Variants in GRHL2 observed in about 807,000 individuals in gnomAD.
GRHL2 encodes grainyhead like transcription factor 2.
Under a neutral mutation model 83.8 loss-of-function variants are expected in GRHL2, and 21 were observed. The observed-to-expected ratio is 0.25, with a 90% CI of 0.18 to 0.36. The LOEUF (loss-of-function observed/expected upper bound fraction) is 0.36. Among genes scored for constraint, GRHL2 ranks in the 10% least tolerant of loss-of-function variants. The pLI is 1.00. For missense variants in GRHL2, 623 were observed against 781.8 expected (o/e 0.80, Z 2.42); for synonymous variants, 280 against 278.9 (o/e 1.00, Z -0.04).
At chr8:101,523,146 A>G (rs1377590722) in intron 1 of GRHL2, among the ~76,000 whole-genome samples, 1 of 151,972 alleles carries the variant, frequency 6.6e-6, no homozygotes, top group Non-Finnish European at 1.5e-5. Context: ...TCCTGGCCTC[A>G]AGTGATCCAC....
chr8:101,672,522 C>A (rs184297940), downstream of GRHL2, among the ~76,000 whole-genome samples: 3 of 151,674 alleles, frequency 2.0e-5, no homozygotes, highest in East Asian at 5.8e-4. Context: ...TAAGAAGAAA[C>A]AAACAAAGCC....
At chr8:101,588,126 T>G (rs1365864061) in intron 7 of GRHL2, among the ~76,000 whole-genome samples, 1 of 152,222 alleles carries the variant, frequency 6.6e-6, no homozygotes, top group Non-Finnish European at 1.5e-5. Context: ...GCTTAATAAA[T>G]GAGAGTCTCG....
intron 12 of GRHL2, among the ~76,000 whole-genome samples, chr8:101,640,492 G>A (rs1813380079): frequency 6.6e-6 from 1 of 152,176 alleles, no homozygotes; most frequent in Non-Finnish European, 1.5e-5. Flanking sequence ...CTCTTATGGA[G>A]AAAGAGGGGC....
chr8:101,554,094 G>T (rs1811443003), intron 3 of GRHL2, among the ~76,000 whole-genome samples: 1 of 152,146 alleles, frequency 6.6e-6, no homozygotes, highest in African/African-American at 2.4e-5. Context: ...AACTGCTTGT[G>T]ACATTACAGT....
chr8:101,645,724 G>C (rs1174456188), intron 13 of GRHL2, among the ~76,000 whole-genome samples: 1 of 152,152 alleles, frequency 6.6e-6, no homozygotes, highest in East Asian at 1.9e-4. Flanking sequence ...GCAGCACTCC[G>C]TGTTCGCTGT....
At chr8:101,570,148 T>TGAGTGTA (rs1435162051) in intron 4 of GRHL2, among the ~76,000 whole-genome samples, 191 bp from the exon 5 acceptor site, 3 of 152,226 alleles carry the variant, frequency 2.0e-5, no homozygotes, top group African/African-American at 7.2e-5. Context: ...TATTTTCTGT[T>TGAGTGTA]GAGTGTAGCT....
downstream of GRHL2, among the ~76,000 whole-genome samples, chr8:101,670,628 A>T (rs1265841855): frequency 6.6e-6 from 1 of 152,212 alleles, no homozygotes; most frequent in African/African-American, 2.4e-5. Flanking sequence ...CCAGCTGTCC[A>T]AGTAGGTCCA....
rs563431962 is a variant in GRHL2, at chr8:101,650,190, G to A, written c.1698+691G>A. On this transcript the variant is annotated intron_variant, in intron 14 of 15. Coordinates refer to ENST00000646743, the MANE Select transcript of GRHL2 (RefSeq NM_024915.4). The stretch of plus-strand genomic sequence containing the variant: ...ACTGCCAGGAACACAGTTCAAAATT[G>A]TTGGTTGGTTTGGAAAACTGCTACA... Among the ~76,000 whole-genome samples the A allele has an allele frequency of 1.0e-3, 155 of 152,286 alleles. 1 individual carries two copies. The South Asian group carries it at 0.016, about 16-fold the overall frequency.
chr8:101,631,630 C>T lies in GRHL2; in HGVS notation c.1258-7C>T, dbSNP rs767071723. On this transcript the variant is annotated splice_polypyrimidine_tract_variant and splice_region_variant and intron_variant, in intron 9 of 15. Transcript: ENST00000646743. ...GGCATTTTCTGTATTTGTTTTTTTC[C>T]TATCAGGGAGCAGAAAGAAAAATCC... is the stretch of plus-strand genomic sequence containing the variant. The T allele has an allele frequency of 3.4e-5, 55 of 1,611,708 alleles. No individual in the cohort carries two copies. Among genetic ancestry groups the T allele is most frequent in the Non-Finnish European group, 4.5e-5 (53 of 1,178,322 alleles).
intron 1 of GRHL2, among the ~76,000 whole-genome samples, chr8:101,493,292 C>T (rs969077246): frequency 3.3e-5 from 5 of 152,218 alleles, no homozygotes; most frequent in African/African-American, 1.2e-4. Flanking sequence ...AAACGGCCAT[C>T]TTCTCGCACC....
At chr8:101,543,520 C>A in intron 2 of GRHL2, 84 bp downstream of exon 2, 2 of 1,303,086 alleles carry the variant, frequency 1.5e-6, no homozygotes, top group Non-Finnish European at 2.2e-6. Context: ...ATTGTTTGTC[C>A]CAGGCCAGGG....
At chr8:101,676,515 C>T in the GRHL2 span, among the ~76,000 whole-genome samples, 1 of 152,136 alleles carries the variant, frequency 6.6e-6, no homozygotes. Flanking sequence ...AATGAGATAC[C>T]ATCTCACACC....
intron 2 of GRHL2, chr8:101,543,852 T>C: frequency 4.5e-6 from 1 of 224,458 alleles, no homozygotes; most frequent in Non-Finnish European, 8.8e-6. Context: ...GAAAAAGCGG[T>C]TTAATTGGAC....
rs553249046 is a variant in GRHL2 at position 101,645,116 on chromosome 8, ATTTTTTTTTTTTTTTTTTTTT to A, written c.1612+908_1612+928del. Among the ~76,000 whole-genome samples, 349 of 117,348 alleles carry A rather than the reference ATTTTTTTTTTTTTTTTTTTTT, an allele frequency of 3.0e-3. 3 individuals carry two copies. Among genetic ancestry groups the A allele is most frequent in the African/African-American group, 7.4e-3 (224 of 30,384 alleles). The allele number at this position is 117,348 out of a possible 152,430, so 77.0% of individuals were successfully genotyped here. On this transcript the variant is annotated intron_variant, in intron 13 of 15. Coordinates refer to ENST00000646743, the MANE Select transcript of GRHL2 (RefSeq NM_024915.4). ...TGCCTCAGTCTGCCAGCAGTACAGA[ATTTTTTTTTTTTTTTTTTTTT>A]TTTTTTTTTTTTTTTTGACAAAGTC...
chr8:101,551,897 G>T (rs1385578043), intron 2 of GRHL2, among the ~76,000 whole-genome samples: 1 of 150,492 alleles, frequency 6.6e-6, no homozygotes, highest in East Asian at 2.0e-4. Context: ...GTGCAGTGGC[G>T]CGATCTCGGC....
intron 12 of GRHL2, among the ~76,000 whole-genome samples, chr8:101,643,199 G>T (rs887353130): frequency 6.6e-6 from 1 of 151,940 alleles, no homozygotes; most frequent in African/African-American, 2.4e-5. Context: ...TGGCATCTGG[G>T]ATTGTGTCTT....
At chr8:101,647,362 CAAAG>C (rs1813532450) in intron 13 of GRHL2, among the ~76,000 whole-genome samples, 1 of 151,698 alleles carries the variant, frequency 6.6e-6, no homozygotes, top group Non-Finnish European at 1.5e-5. Context: ...GACTCTGTCT[CAAAG>C]AAAAAGAATA....
downstream of GRHL2, among the ~76,000 whole-genome samples, chr8:101,674,629 A>T (rs887879389): frequency 6.6e-6 from 1 of 152,214 alleles, no homozygotes; most frequent in African/African-American, 2.4e-5. Context: ...TACCAGAGGT[A>T]AAAGGAGGAG....
chr8:101,583,859 C>T (rs1812108742), intron 7 of GRHL2, among the ~76,000 whole-genome samples: 1 of 152,172 alleles, frequency 6.6e-6, no homozygotes, highest in African/African-American at 2.4e-5. Flanking sequence ...GAAGCTACAA[C>T]AGTTAATTGG....
Sources: allele counts gnomAD v4.1 joint callset (sites outside exome capture counted in the v4.1 genomes callset), GRCh38; gene constraint gnomAD v4.1.1; transcripts MANE v1.5; gene names NCBI Gene and HGNC (gene_info 2026-07-23, HGNC 2026-07-21).